Variants in EPB41L4B observed in about 807,000 individuals in gnomAD.
EPB41L4B encodes erythrocyte membrane protein band 4.1 like 4B.
Under a neutral mutation model 112.5 loss-of-function variants are expected in EPB41L4B, and 30 were observed. The ratio of observed to expected loss-of-function variants is 0.27; its 90% CI spans 0.20 to 0.36. The LOEUF is 0.36. EPB41L4B is among the 10% of genes least tolerant of loss of function. The pLI, the probability that EPB41L4B is intolerant of heterozygous loss-of-function variation, is 1.00. For synonymous variants in EPB41L4B, 408 were observed against 439.7 expected (o/e 0.93, Z 0.90); for missense variants, 1,024 against 1,133.3 (o/e 0.90, Z 1.38).
intron 15 of EPB41L4B, among the ~76,000 whole-genome samples, chr9:109,228,007 C>T (rs958759768): frequency 3.9e-5 from 6 of 152,316 alleles, no homozygotes; most frequent in African/African-American, 1.2e-4. Context: ...AAGAGAATCA[C>T]GTGAATTTTG....
chr9:109,194,478 G>A, intron 20 of EPB41L4B, 81 bp from the exon 21 acceptor site: 1 of 1,461,378 alleles, frequency 6.8e-7, no homozygotes, highest in Non-Finnish European at 9.3e-7. Flanking sequence ...GATGGGCAGG[G>A]GTGGGAAGAC....
rs1217429689 is a variant in EPB41L4B, at chr9:109,185,484, C to G, written c.2418+5G>C. 6.2e-7 allele frequency: 1 copy of G among 1,613,020 alleles called. No homozygotes were observed. Among genetic ancestry groups the G allele is most frequent in the South Asian group, 1.1e-5 (1 of 91,050 alleles). On this transcript the variant is annotated splice_donor_5th_base_variant and intron_variant, in intron 23 of 25. Transcript: ENST00000374566. The stretch of plus-strand genomic sequence containing the variant: ...CCAGGCCCCTCTCCCTGCCAGGGTA[C>G]CTACCAGCCTCGTTTTGATTGGAGG...
intron 1 of EPB41L4B, among the ~76,000 whole-genome samples, chr9:109,309,755 CAGAGAGAGAGAG>C (rs34950010): frequency 8.4e-5 from 12 of 142,226 alleles, no homozygotes; most frequent in African/African-American, 2.6e-4. Flanking sequence ...AATACACACA[CAGAGAGAGAGAG>C]AGAGAGAGAG....
chr9:109,298,313 C>CT (rs68012872), intron 1 of EPB41L4B, among the ~76,000 whole-genome samples: 88,888 of 143,048 alleles, frequency 0.62, 27,700 homozygotes, highest in East Asian at 0.84. Context: ...ATCATATATG[C>CT]TTTTTTTTTT....
intron 20 of EPB41L4B, chr9:109,196,084 T>A (rs1357935990): frequency 2.6e-5 from 4 of 151,850 alleles, no homozygotes; most frequent in African/African-American, 9.7e-5. Flanking sequence ...GAACCCTGGT[T>A]ATTTTTGATT....
intron 15 of EPB41L4B, among the ~76,000 whole-genome samples, chr9:109,220,135 A>G (rs1833521637): frequency 6.6e-6 from 1 of 152,234 alleles, no homozygotes; most frequent in South Asian, 2.1e-4. Flanking sequence ...GGGTTTTTCC[A>G]ATTAATAACC....
chr9:109,270,663 G>A (rs1040605568), intron 2 of EPB41L4B, among the ~76,000 whole-genome samples: 1 of 152,200 alleles, frequency 6.6e-6, no homozygotes, highest in Non-Finnish European at 1.5e-5. Flanking sequence ...GCCCATGAGA[G>A]GCTTGTCACT....
chr9:109,256,352 TAACAGCAAAACCAAATTACTTAA>T lies in EPB41L4B; in HGVS notation c.840+18_840+40del. 6.2e-7 allele frequency: 1 copy of T among 1,603,734 alleles called. No homozygotes were observed. On this transcript the variant is annotated intron_variant, in intron 8 of 25. Transcript: ENST00000374566. The stretch of plus-strand genomic sequence containing the variant: ...TGCATAATGTTCATACATTTTTCAG[TAACAGCAAAACCAAATTACTTAA>T]ACGCACACAGTTCTTACCCTGACAA...
rs186737721 is a variant in EPB41L4B at position 109,258,627 on chromosome 9, T to C, written c.632-330A>G. Among the ~76,000 whole-genome samples, 222 of 152,288 alleles carry C rather than the reference T, an allele frequency of 1.5e-3. 1 individual carries two copies. Among genetic ancestry groups the C allele is most frequent in the African/African-American group, 2.3e-3 (94 of 41,556 alleles). On this transcript the variant is annotated intron_variant, in intron 6 of 25. Transcript: ENST00000374566. ...ACCCTGAATTTGCAATAAAAGGCAA[T>C]TGCAGGGAATGAGGATCTGCCCAGA...
At chr9:109,235,563 A>G (rs1435494577) in intron 15 of EPB41L4B, among the ~76,000 whole-genome samples, 1 of 151,328 alleles carries the variant, frequency 6.6e-6, no homozygotes, top group Admixed American at 6.6e-5. Flanking sequence ...ACGCCCGGCT[A>G]GTTTTTGCAT....
chr9:109,204,487 T>A (rs1832932123), intron 18 of EPB41L4B, among the ~76,000 whole-genome samples: 1 of 152,184 alleles, frequency 6.6e-6, no homozygotes, highest in South Asian at 2.1e-4. Flanking sequence ...TTTTTAATTT[T>A]TGTTTTTGAT....
At chr9:109,241,653 T>A (rs368166945) in intron 15 of EPB41L4B, 1 of 1,613,816 alleles carries the variant, frequency 6.2e-7, no homozygotes, top group African/African-American at 1.3e-5. Flanking sequence ...AGAGAGATGC[T>A]TCAGTCTCTC....
chr9:109,260,000 G>A (rs1258063190), intron 6 of EPB41L4B, among the ~76,000 whole-genome samples: 1 of 152,148 alleles, frequency 6.6e-6, no homozygotes, highest in Admixed American at 6.6e-5. Flanking sequence ...CTCATGGAAT[G>A]GGGTTGGGGA....
intron 2 of EPB41L4B, among the ~76,000 whole-genome samples, chr9:109,269,286 T>C (rs1248449717): frequency 1.3e-5 from 2 of 152,244 alleles, no homozygotes. Context: ...AAGATCATTT[T>C]GCTCTGGTCA....
chr9:109,284,395 C>T (rs372163008), intron 1 of EPB41L4B, among the ~76,000 whole-genome samples: 20 of 152,174 alleles, frequency 1.3e-4, no homozygotes, highest in African/African-American at 4.3e-4. Flanking sequence ...ATAGAGAAAC[C>T]GCGGATGGCT....
intron 19 of EPB41L4B, among the ~76,000 whole-genome samples, chr9:109,201,838 C>T (rs1474644218): frequency 6.6e-6 from 1 of 152,134 alleles, no homozygotes; most frequent in African/African-American, 2.4e-5. Context: ...GAGGAGTCTA[C>T]ACTGAAGGCA....
intron 20 of EPB41L4B, among the ~76,000 whole-genome samples, chr9:109,195,653 A>G (rs897556398): frequency 2.0e-5 from 3 of 152,228 alleles, no homozygotes; most frequent in Admixed American, 6.5e-5. Flanking sequence ...TATTTGTTCA[A>G]GTTCGCAAAG....
In EPB41L4B at chr9:109,238,001, C is replaced by T. The variant is rs28712709; in HGVS notation, c.1409+5617G>A. On this transcript the variant is annotated intron_variant, in intron 15 of 25. Transcript: ENST00000374566. ...AGTCTCATGGAGATATGGATCCCCA[C>T]GGTTGCAAATGGTGGGATGAAGGGT... Among the ~76,000 whole-genome samples, 1,488 of 152,058 alleles carry T rather than the reference C, an allele frequency of 9.8e-3. 25 individuals are homozygous for T. Among genetic ancestry groups the T allele is most frequent in the African/African-American group, 0.034 (1,411 of 41,456 alleles).
intron 6 of EPB41L4B, among the ~76,000 whole-genome samples, chr9:109,260,398 A>C (rs1835154874): frequency 2.0e-5 from 3 of 148,614 alleles, no homozygotes; most frequent in African/African-American, 7.4e-5. Flanking sequence ...CTGACATAAC[A>C]ATCAATTGTA....
Sources: gnomAD v4.1 joint callset for allele counts (sites outside exome capture counted in the v4.1 genomes callset) on GRCh38, gnomAD v4.1.1 for gene constraint, MANE v1.5 for transcripts, NCBI Gene and HGNC (gene_info 2026-07-23, HGNC 2026-07-21) for gene names.